Variants in ITGB3BP observed in about 807,000 individuals in gnomAD.
The protein encoded by ITGB3BP is integrin subunit beta 3 binding protein.
ITGB3BP carries 27 observed loss-of-function variants against 29.1 expected under a neutral mutation model. That is an observed-to-expected ratio of 0.93 (90% CI 0.68 to 1.28). ITGB3BP has a LOEUF of 1.28. Ranked by LOEUF, ITGB3BP falls within the 50% of genes most tolerant of loss-of-function variation. The pLI is 0.00. For missense variants in ITGB3BP, 192 were observed against 200.2 expected (o/e 0.96, Z 0.25); for synonymous variants, 61 against 61.4 (o/e 0.99, Z 0.03).
intron 4 of ITGB3BP, chr1:63,457,774 T>A (rs1414783215): frequency 6.6e-6 from 1 of 152,170 alleles, no homozygotes; most frequent in Non-Finnish European, 1.5e-5. Context: ...CAGATGTCAA[T>A]GGGCCACTAC....
chr1:63,516,789 C>T (rs1338177846), intron 1 of ITGB3BP, among the ~76,000 whole-genome samples: 2 of 147,564 alleles, frequency 1.4e-5, no homozygotes, highest in Admixed American at 1.4e-4. Flanking sequence ...GGGAGCTAAA[C>T]AATGGGTACA....
At chr1:63,491,565 T>C (rs1261865275) in intron 2 of ITGB3BP, among the ~76,000 whole-genome samples, 2 of 152,316 alleles carry the variant, frequency 1.3e-5, no homozygotes, top group Admixed American at 6.5e-5. Flanking sequence ...TCCTTAACTC[T>C]GCCTGGTCAA....
chr1:63,445,621 G>A (rs1644781677), intron 8 of ITGB3BP, among the ~76,000 whole-genome samples: 4 of 140,830 alleles, frequency 2.8e-5, no homozygotes, highest in Admixed American at 2.8e-4. Context: ...TTTTTTTGGA[G>A]ACAGGGTCTC....
chr1:63,478,041 A>C (rs1055056666), intron 4 of ITGB3BP, among the ~76,000 whole-genome samples: 1 of 152,188 alleles, frequency 6.6e-6, no homozygotes, highest in South Asian at 2.1e-4. Context: ...CATATACTTT[A>C]ATCATCTCTA....
chr1:63,522,993 G>T, intron 1 of ITGB3BP, 136 bp downstream of exon 1: 1 of 977,716 alleles, frequency 1.0e-6, no homozygotes, highest in Non-Finnish European at 1.7e-6. Context: ...CAAGCGAAGG[G>T]AATTGCCTGT....
At chr1:63,514,532 T>G (rs532260934) in intron 1 of ITGB3BP, among the ~76,000 whole-genome samples, 33 of 152,350 alleles carry the variant, frequency 2.2e-4, no homozygotes, top group Middle Eastern at 3.4e-3. Flanking sequence ...TTTGGGCCAT[T>G]ATTTTAATAA....
chr1:63,520,727 A>G (rs897398531), intron 1 of ITGB3BP, among the ~76,000 whole-genome samples: 1 of 152,288 alleles, frequency 6.6e-6, no homozygotes, highest in East Asian at 1.9e-4. Context: ...TAAGAACTAG[A>G]TCATTACCAA....
chr1:63,488,083 A>G (rs943292607), intron 3 of ITGB3BP, among the ~76,000 whole-genome samples: 2 of 152,152 alleles, frequency 1.3e-5, no homozygotes, highest in Non-Finnish European at 2.9e-5. Context: ...AGGAAGACAT[A>G]GAACTAAATT....
intron 2 of ITGB3BP, 33 bp from the exon 3 acceptor site, chr1:63,490,251 G>A (rs763934178): frequency 2.3e-5 from 33 of 1,436,994 alleles, no homozygotes; most frequent in Non-Finnish European, 3.2e-5. Flanking sequence ...GACAGAAATA[G>A]CTATGTTTAG....
intron 1 of ITGB3BP, among the ~76,000 whole-genome samples, chr1:63,516,178 T>C (rs989298145): frequency 2.0e-5 from 3 of 150,020 alleles, no homozygotes; most frequent in Admixed American, 6.6e-5. Context: ...ATCCCAACAC[T>C]TTGGGAGGCT....
chr1:63,456,321 G>A (rs976115051), intron 4 of ITGB3BP, among the ~76,000 whole-genome samples: 1 of 152,038 alleles, frequency 6.6e-6, no homozygotes, highest in Non-Finnish European at 1.5e-5. Flanking sequence ...GAGGACAGTG[G>A]AATTTTGGGT....
At chr1:63,519,776 A>G (rs1029426466) in intron 1 of ITGB3BP, among the ~76,000 whole-genome samples, 1 of 152,152 alleles carries the variant, frequency 6.6e-6, no homozygotes, top group Non-Finnish European at 1.5e-5. Flanking sequence ...CAAAATGATT[A>G]CAGCATATAG....
intron 2 of ITGB3BP, among the ~76,000 whole-genome samples, chr1:63,503,652 C>T (rs1254744685): frequency 1.3e-5 from 2 of 151,974 alleles, no homozygotes; most frequent in Non-Finnish European, 2.9e-5. Context: ...TTAGGTCTAA[C>T]ATTTAAGTCT....
intron 1 of ITGB3BP, among the ~76,000 whole-genome samples, chr1:63,515,873 A>C (rs10889426): frequency 7.0e-6 from 1 of 141,896 alleles, no homozygotes. Flanking sequence ...AGCAACCACC[A>C]CACTACTGGG....
chr1:63,510,870 T>C (rs1646185760), intron 1 of ITGB3BP, among the ~76,000 whole-genome samples: 1 of 152,002 alleles, frequency 6.6e-6, no homozygotes, highest in Admixed American at 6.6e-5. Context: ...TACAACACAA[T>C]GACGAGAATA....
intron 4 of ITGB3BP, among the ~76,000 whole-genome samples, chr1:63,467,698 A>G (rs1645123562): frequency 6.6e-6 from 1 of 152,182 alleles, no homozygotes; most frequent in South Asian, 2.1e-4. Context: ...AGACATATCT[A>G]TAGGTCATAC....
intron 2 of ITGB3BP, among the ~76,000 whole-genome samples, chr1:63,492,195 G>C (rs1241901072): frequency 7.2e-6 from 1 of 138,182 alleles, no homozygotes; most frequent in Non-Finnish European, 1.5e-5. Context: ...TGCTCTGTGT[G>C]TGTGTGTGTG....
At chr1:63,455,042 A>C in intron 4 of ITGB3BP, 74 bp from the exon 5 acceptor site, 1 of 736,744 alleles carries the variant, frequency 1.4e-6, no homozygotes. Context: ...CAGAGCTTTA[A>C]CTCTTTTTAA....
chr1:63,466,225 A>G (rs1194152565), intron 4 of ITGB3BP, among the ~76,000 whole-genome samples: 4 of 152,156 alleles, frequency 2.6e-5, no homozygotes, highest in Admixed American at 1.3e-4. Flanking sequence ...GTTTACATTT[A>G]CCCAGATACG....
Sources: allele counts gnomAD v4.1 joint callset (sites outside exome capture counted in the v4.1 genomes callset), GRCh38; gene constraint gnomAD v4.1.1; transcripts MANE v1.5; gene names NCBI Gene and HGNC (gene_info 2026-07-23, HGNC 2026-07-21).